The following KCNK9 variants were observed in gnomAD, a reference collection of about 807,000 sequenced individuals.
KCNK9 encodes the protein potassium two pore domain channel subfamily K member 9.
In KCNK9, 1 loss-of-function variant was observed where a neutral mutation model predicts 10.8. The ratio of observed to expected loss-of-function variants is 0.09; its 90% CI spans 0.03 to 0.44. The LOEUF (loss-of-function observed/expected upper bound fraction) is 0.44. Among genes scored for constraint, KCNK9 ranks in the 20% least tolerant of loss-of-function variants. The pLI is 0.97. For synonymous variants in KCNK9, 231 were observed against 222.7 expected, an observed-to-expected ratio of 1.04 and a Z score of -0.33; for missense variants, 303 against 515.0, an observed-to-expected ratio of 0.59 and a Z score of 3.98.
At chr8:139,614,126 C>CT (rs2130093064), downstream of KCNK9, among the ~76,000 whole-genome samples, 1 of 152,288 alleles carries the variant, frequency 6.6e-6, no homozygotes, top group African/African-American at 2.4e-5. Flanking sequence ...CTGTTCTTCC[C>CT]TCCAGCTGCA....
At chr8:139,665,335 G>A (rs968059831) in intron 1 of KCNK9, among the ~76,000 whole-genome samples, 11 of 151,922 alleles carry the variant, frequency 7.2e-5, no homozygotes, top group Admixed American at 2.6e-4. Flanking sequence ...ACACCCCTCC[G>A]ACCTCTGCTT....
intron 1 of KCNK9, among the ~76,000 whole-genome samples, chr8:139,635,364 C>T (rs1815306877): frequency 6.6e-6 from 1 of 152,208 alleles, no homozygotes; most frequent in African/African-American, 2.4e-5. Context: ...CTCACTGTCC[C>T]CTGAGGAGAG....
chr8:139,668,972 G>A (rs1429855197), intron 1 of KCNK9, among the ~76,000 whole-genome samples: 1 of 152,136 alleles, frequency 6.6e-6, no homozygotes, highest in Non-Finnish European at 1.5e-5. Flanking sequence ...CAAAGCAATA[G>A]CAATAAAGCA....
chr8:139,648,755 CT>C (rs1815766959), intron 1 of KCNK9, among the ~76,000 whole-genome samples: 1 of 152,212 alleles, frequency 6.6e-6, no homozygotes, highest in Non-Finnish European at 1.5e-5. Context: ...CCTCTGGACT[CT>C]TATGGGCAGA....
intron 1 of KCNK9, among the ~76,000 whole-genome samples, chr8:139,698,024 T>G (rs939489340): frequency 7.2e-5 from 11 of 152,176 alleles, no homozygotes; most frequent in African/African-American, 2.7e-4. Flanking sequence ...CATCTGGGTC[T>G]GCTGGGCAGT....
intron 1 of KCNK9, among the ~76,000 whole-genome samples, chr8:139,696,499 C>G (rs1055725570): frequency 6.6e-6 from 1 of 152,218 alleles, no homozygotes; most frequent in East Asian, 1.9e-4. Context: ...CACTGAGGCT[C>G]TAATGAGGGT....
intron 1 of KCNK9, among the ~76,000 whole-genome samples, chr8:139,659,608 T>A (rs1222679503): frequency 6.6e-6 from 1 of 151,980 alleles, no homozygotes; most frequent in Admixed American, 6.6e-5. Flanking sequence ...ACCCCCCAGG[T>A]TCACGCCGTT....
chr8:139,679,764 T>G (rs1427424754), intron 1 of KCNK9, among the ~76,000 whole-genome samples: 1 of 152,162 alleles, frequency 6.6e-6, no homozygotes, highest in Non-Finnish European at 1.5e-5. Context: ...GAGGGAAACC[T>G]GGGGAAACAC....
intron 1 of KCNK9, among the ~76,000 whole-genome samples, chr8:139,654,772 T>A (rs1225777646): frequency 6.6e-6 from 1 of 152,182 alleles, no homozygotes; most frequent in African/African-American, 2.4e-5. Flanking sequence ...GATCAGCGGC[T>A]TGTTCACCAT....
chr8:139,619,201 G>A, intron 1 of KCNK9, 102 bp from the exon 2 acceptor site: 3 of 1,323,914 alleles, frequency 2.3e-6, no homozygotes, highest in Non-Finnish European at 3.2e-6. Flanking sequence ...CAATGCAGAG[G>A]GACCTGGTAC....
rs1287119203 is a variant in KCNK9 at position 139,643,820 on chromosome 8, G to A, written c.284-24721C>T. Among the ~76,000 whole-genome samples, 8 of 152,326 alleles carry A rather than the reference G, an allele frequency of 5.3e-5. No individual in the cohort carries two copies. In the East Asian group the frequency reaches 1.4e-3, roughly 26 times the overall value. ...CTCATCTACAAGCCCTGGTTCAACC[G>A]CCGCCACCTTCAGGTAGGCCCGCAG... On this transcript the variant is annotated intron_variant, in intron 1 of 1. Transcript: ENST00000520439.
At chr8:139,662,869 G>T (rs1816196003) in intron 1 of KCNK9, among the ~76,000 whole-genome samples, 1 of 107,516 alleles carries the variant, frequency 9.3e-6, no homozygotes, top group Admixed American at 8.9e-5. Context: ...GGAGGGGTGG[G>T]GGAAGGGGGG....
intron 1 of KCNK9, among the ~76,000 whole-genome samples, chr8:139,631,655 A>G (rs1284000842): frequency 6.6e-6 from 1 of 152,150 alleles, no homozygotes; most frequent in Non-Finnish European, 1.5e-5. Flanking sequence ...ACTCCAAAAA[A>G]ATTTTTAGAA....
intron 1 of KCNK9, among the ~76,000 whole-genome samples, chr8:139,645,002 C>T (rs1277207345): frequency 2.0e-5 from 3 of 152,326 alleles, no homozygotes; most frequent in East Asian, 3.9e-4. Flanking sequence ...GCACCAGGTG[C>T]GAGGCGGCTG....
intron 1 of KCNK9, among the ~76,000 whole-genome samples, chr8:139,677,995 G>C (rs1816601844): frequency 6.8e-6 from 1 of 147,742 alleles, no homozygotes; most frequent in Non-Finnish European, 1.5e-5. Flanking sequence ...CAGCCCAACA[G>C]GTCCCCACGG....
intron 1 of KCNK9, among the ~76,000 whole-genome samples, chr8:139,670,920 C>T (rs1319862790): frequency 1.3e-5 from 2 of 152,206 alleles, no homozygotes; most frequent in Non-Finnish European, 2.9e-5. Context: ...ATTCTCATCA[C>T]AGGGCAGGGA....
At chr8:139,630,016 C>T (rs1036565021) in intron 1 of KCNK9, among the ~76,000 whole-genome samples, 3 of 150,586 alleles carry the variant, frequency 2.0e-5, no homozygotes, top group African/African-American at 4.9e-5. Context: ...ACAGGGACAC[C>T]TATGGGGACA....
chr8:139,619,143 G>A, intron 1 of KCNK9, 44 bp from the exon 2 acceptor site: 2 of 1,609,886 alleles, frequency 1.2e-6, no homozygotes, highest in Non-Finnish European at 1.7e-6. Context: ...AAGTGAGGAG[G>A]GGTCTAGAGG....
intron 1 of KCNK9, among the ~76,000 whole-genome samples, chr8:139,656,663 C>CTAT (rs1345386724): frequency 2.6e-5 from 4 of 152,200 alleles, no homozygotes; most frequent in African/African-American, 9.7e-5. Flanking sequence ...GAGCTCAACC[C>CTAT]CACACAGTGC....
Sources: gnomAD v4.1 joint callset for allele counts (sites outside exome capture counted in the v4.1 genomes callset) on GRCh38, gnomAD v4.1.1 for gene constraint, MANE v1.5 for transcripts, NCBI Gene and HGNC (gene_info 2026-07-23, HGNC 2026-07-21) for gene names.